The following RASGRP3 variants were observed in gnomAD, a reference collection of about 807,000 sequenced individuals.
RASGRP3 encodes RAS guanyl releasing protein 3.
In RASGRP3, 54 loss-of-function variants were observed where a neutral mutation model predicts 82.7. That is an observed-to-expected ratio of 0.65 (90% confidence interval 0.52 to 0.82). The LOEUF (loss-of-function observed/expected upper bound fraction) is 0.82, where lower values mean the gene tolerates loss of function less well. Among genes scored for constraint, RASGRP3 ranks in the 40% least tolerant of loss-of-function variants. RASGRP3 has a pLI of 0.00. For synonymous variants in RASGRP3, 309 were observed against 300.5 expected (o/e 1.03, Z -0.29); for missense variants, 861 against 828.9 (o/e 1.04, Z -0.48).
At chr2:33,559,608 C>T (rs773993399) in intron 17 of RASGRP3, 3 of 518,612 alleles carry the variant, frequency 5.8e-6, no homozygotes, top group South Asian at 4.2e-5. Context: ...TTAGAGTATG[C>T]TGACACAGAA....
At chr2:33,482,826 G>A (rs1219510648) in intron 1 of RASGRP3, 1 of 152,166 alleles carries the variant, frequency 6.6e-6, no homozygotes, top group Non-Finnish European at 1.5e-5. Context: ...AAAACATGTG[G>A]ACAGCTTTGT....
chr2:33,488,903 A>G (rs1327356835), intron 1 of RASGRP3, among the ~76,000 whole-genome samples: 1 of 152,230 alleles, frequency 6.6e-6, no homozygotes, highest in African/African-American at 2.4e-5. Context: ...GCATTTGCCT[A>G]CACAAGAAAC....
At chr2:33,520,708 C>G (rs1212393989) in intron 6 of RASGRP3, 24 bp downstream of exon 6, 1 of 1,612,830 alleles carries the variant, frequency 6.2e-7, no homozygotes, top group East Asian at 2.2e-5. Context: ...CGACGTCTTT[C>G]ACACCCAATA....
At position 33,563,005 on chromosome 2, in the gene RASGRP3, G is replaced by GTATC. The variant is rs1676857637; in HGVS notation, c.*270_*273dup. 1.4e-5 allele frequency: 7 copies of GTATC among 484,156 alleles called. No individual in the cohort carries two copies. Among genetic ancestry groups the GTATC allele is most frequent in the Admixed American group, 7.7e-5 (2 of 25,976 alleles). The allele number at this position is 484,156 out of a possible 1,614,324, so 30.0% of individuals were successfully genotyped here. A position where few individuals can be genotyped will look rare whatever the true frequency, so the allele number is the denominator to read the frequency against. ...TATGTAGTCAGTACTTTTTTCTCAT[G>GTATC]TATCTTTCTCTAGACCATTTATATA... On this transcript the variant is annotated 3_prime_UTR_variant, in exon 18 of 18. Coordinates refer to ENST00000403687, the MANE Select transcript of RASGRP3 (RefSeq NM_001139488.2).
In RASGRP3 at chr2:33,518,743, A is replaced by G. The variant is rs114828802; in HGVS notation, c.174-1209A>G. Among the ~76,000 whole-genome samples the G allele has an allele frequency of 7.1e-3, 1,073 of 152,110 alleles. 18 individuals are homozygous for G. Among genetic ancestry groups the G allele is most frequent in the African/African-American group, 0.025 (1,024 of 41,474 alleles). ...TTTACTTTTTAAACTTTTTTCGTTA[A>G]AAGCAAAGACAGAAACACACGCATT... On this transcript the variant is annotated intron_variant, in intron 4 of 17. Coordinates refer to ENST00000403687, the MANE Select transcript of RASGRP3 (RefSeq NM_001139488.2).
chr2:33,543,430 T>A (rs770676018), intron 12 of RASGRP3, 82 bp from the exon 13 acceptor site: 11 of 767,510 alleles, frequency 1.4e-5, no homozygotes, highest in Non-Finnish European at 2.1e-5. Context: ...AAGGATCATA[T>A]GCTAGTTATC....
chr2:33,464,660 A>T (rs987044769), intron 2 of RASGRP3, among the ~76,000 whole-genome samples: 45 of 152,160 alleles, frequency 3.0e-4, no homozygotes, highest in African/African-American at 1.0e-3. Context: ...TACATTTTGA[A>T]GAGATGGGGT....
intron 14 of RASGRP3, among the ~76,000 whole-genome samples, chr2:33,553,036 A>G (rs1253920968): frequency 1.3e-5 from 2 of 152,206 alleles, no homozygotes; most frequent in Admixed American, 1.3e-4. Flanking sequence ...CTGGCTATTA[A>G]GTAAGCATTA....
At chr2:33,467,269 G>C (rs138873363) in intron 2 of RASGRP3, among the ~76,000 whole-genome samples, 1 of 152,024 alleles carries the variant, frequency 6.6e-6, no homozygotes, top group African/African-American at 2.4e-5. Context: ...AGCTTTAGAG[G>C]TTGCAAAGTC....
intron 1 of RASGRP3, among the ~76,000 whole-genome samples, chr2:33,503,059 T>C (rs1670026596): frequency 1.3e-5 from 2 of 152,248 alleles, no homozygotes; most frequent in African/African-American, 4.8e-5. Context: ...TTCCCATATG[T>C]AAATCTGTTA....
intron 11 of RASGRP3, among the ~76,000 whole-genome samples, chr2:33,535,484 G>GC (rs1673516558): frequency 1.3e-5 from 2 of 152,314 alleles, no homozygotes; most frequent in East Asian, 3.9e-4. Context: ...CAGTGACTAT[G>GC]CCCCCTAAGT....
intron 1 of RASGRP3, among the ~76,000 whole-genome samples, chr2:33,502,109 G>C (rs1220733375): frequency 6.6e-6 from 1 of 152,154 alleles, no homozygotes; most frequent in East Asian, 1.9e-4. Flanking sequence ...GTAGAGGGTT[G>C]CTAAATTTTG....
chr2:33,514,937 G>A (rs1416057221), intron 2 of RASGRP3, 73 bp from the exon 3 acceptor site: 2 of 576,242 alleles, frequency 3.5e-6, no homozygotes, highest in Non-Finnish European at 6.2e-6. Flanking sequence ...TATCTTTTCA[G>A]GTAGGAAAGT....
intron 1 of RASGRP3, among the ~76,000 whole-genome samples, chr2:33,502,387 T>G (rs1287938714): frequency 6.6e-6 from 1 of 152,164 alleles, no homozygotes; most frequent in Non-Finnish European, 1.5e-5. Flanking sequence ...TTTGTCTTAA[T>G]TTGCTCACAC....
intron 1 of RASGRP3, among the ~76,000 whole-genome samples, chr2:33,437,021 T>A (rs1312645506): frequency 6.6e-6 from 1 of 152,098 alleles, no homozygotes; most frequent in Non-Finnish European, 1.5e-5. Context: ...AATGGACAAT[T>A]GTATAAAAGT....
chr2:33,550,216 T>A (rs12468045), intron 14 of RASGRP3, among the ~76,000 whole-genome samples: 19,077 of 152,206 alleles, frequency 0.13, 1,321 homozygotes, highest in African/African-American at 0.18. Context: ...GTTATAATAA[T>A]AAATAACATT....
intron 1 of RASGRP3, among the ~76,000 whole-genome samples, chr2:33,497,846 A>G (rs1189755951): frequency 6.6e-6 from 1 of 152,232 alleles, no homozygotes; most frequent in Non-Finnish European, 1.5e-5. Context: ...AATGAATAAT[A>G]CAGAGTAAGA....
chr2:33,509,677 A>G (rs535807246), intron 1 of RASGRP3, among the ~76,000 whole-genome samples: 2 of 152,200 alleles, frequency 1.3e-5, no homozygotes, highest in Admixed American at 6.5e-5. Context: ...TCTGTGCTCC[A>G]TAAGATATTT....
intron 2 of RASGRP3, chr2:33,513,865 G>A (rs953730897): frequency 1.3e-5 from 2 of 152,198 alleles, no homozygotes; most frequent in Non-Finnish European, 2.9e-5. Context: ...CTGAGATGAT[G>A]TGGAGGAGTG....
Sources: allele counts gnomAD v4.1 joint callset (sites outside exome capture counted in the v4.1 genomes callset), GRCh38; gene constraint gnomAD v4.1.1; transcripts MANE v1.5; gene names NCBI Gene and HGNC (gene_info 2026-07-23, HGNC 2026-07-21).